BNC2: variants seen among roughly 807,000 people sequenced by gnomAD.
BNC2 encodes basonuclin zinc finger protein 2, also known as zinc finger protein basonuclin-2.
BNC2 carries 20 observed loss-of-function variants against 76.3 expected under a neutral mutation model. The ratio of observed to expected loss-of-function variants is 0.26; its 90% CI spans 0.18 to 0.38. BNC2 has a LOEUF of 0.38. Among genes scored for constraint, BNC2 ranks in the 10% least tolerant of loss-of-function variants. The pLI is 1.00. For synonymous variants in BNC2, 582 were observed against 514.8 expected (o/e 1.13, Z -1.77); for missense variants, 1,382 against 1,399.8 (o/e 0.99, Z 0.20).
chr9:16,811,604 G>T (rs1183552903), intron 1 of BNC2, among the ~76,000 whole-genome samples: 2 of 149,436 alleles, frequency 1.3e-5, no homozygotes, highest in African/African-American at 4.9e-5. Context: ...AAACCCATGT[G>T]AAGGCTAGAC....
intron 1 of BNC2, among the ~76,000 whole-genome samples, chr9:16,859,254 G>A (rs1819337616): frequency 6.6e-6 from 1 of 151,976 alleles, no homozygotes; most frequent in Admixed American, 6.6e-5. Flanking sequence ...CTGTTGGCAG[G>A]AATGTAAACG....
intron 3 of BNC2, among the ~76,000 whole-genome samples, chr9:16,621,964 T>C (rs1820879007): frequency 6.6e-6 from 1 of 152,200 alleles, no homozygotes; most frequent in South Asian, 2.1e-4. Flanking sequence ...GTGTGGCTAC[T>C]AGAAAATTTT....
chr9:16,835,043 C>T (rs1045825392), intron 1 of BNC2, among the ~76,000 whole-genome samples: 19 of 152,132 alleles, frequency 1.2e-4, no homozygotes, highest in African/African-American at 4.6e-4. Flanking sequence ...CTTATAGTGG[C>T]TTCATTCCTC....
Position 16,453,831 on chromosome 9 carries a change from C to G in BNC2, c.670-16307G>C, listed in dbSNP as rs112673068. ...CTTAAACAAAACAAAACAAACAAAA[C>G]CTCAACGGTCCCATTTGCTAAATGA... is the stretch of plus-strand genomic sequence containing the variant. On this transcript the variant is annotated intron_variant, in intron 5 of 6. Transcript: ENST00000380672. 2.5e-3 allele frequency among the ~76,000 whole-genome samples: 376 copies of G among 152,230 alleles called. 2 individuals carry two copies. The highest frequency in any genetic ancestry group is 8.4e-3 in the African/African-American group (351 of 41,556).
At chr9:16,534,640 C>CA (rs1418017308) in intron 5 of BNC2, among the ~76,000 whole-genome samples, 2 of 151,894 alleles carry the variant, frequency 1.3e-5, no homozygotes, top group South Asian at 2.1e-4. Flanking sequence ...TACTCTTTAA[C>CA]AAAAAAATGA....
At chr9:16,584,086 G>C (rs889973276) in intron 3 of BNC2, among the ~76,000 whole-genome samples, 6 of 152,108 alleles carry the variant, frequency 3.9e-5, no homozygotes, top group African/African-American at 1.2e-4. Flanking sequence ...AGACAGAAGG[G>C]ATTTAGTCTG....
At chr9:16,777,213 G>C (rs921259238) in intron 1 of BNC2, among the ~76,000 whole-genome samples, 1 of 151,756 alleles carries the variant, frequency 6.6e-6, no homozygotes, top group Non-Finnish European at 1.5e-5. Flanking sequence ...GGCAGACAAA[G>C]GCAAGAAGAG....
At chr9:16,710,688 C>G (rs560474991) in intron 3 of BNC2, among the ~76,000 whole-genome samples, 3 of 152,190 alleles carry the variant, frequency 2.0e-5, no homozygotes, top group African/African-American at 7.2e-5. Context: ...ATCCAAGCCA[C>G]CCCCACATAA....
intron 1 of BNC2, among the ~76,000 whole-genome samples, chr9:16,744,213 C>T (rs1337246149): frequency 6.6e-6 from 1 of 152,144 alleles, no homozygotes; most frequent in East Asian, 1.9e-4. Context: ...TTGTGATCCA[C>T]CTGCCTCAGC....
chr9:16,565,209 A>ACGCG (rs1819134340), intron 4 of BNC2, among the ~76,000 whole-genome samples: 1 of 152,106 alleles, frequency 6.6e-6, no homozygotes, highest in Non-Finnish European at 1.5e-5. Flanking sequence ...ATTTCCAATG[A>ACGCG]CGTCCCCAGC....
intron 3 of BNC2, among the ~76,000 whole-genome samples, chr9:16,623,436 T>C (rs549156231): frequency 6.6e-5 from 10 of 152,156 alleles, no homozygotes; most frequent in Non-Finnish European, 1.3e-4. Flanking sequence ...AAGACCAAAG[T>C]AAAAGGCACT....
At chr9:16,431,574 A>G in intron 6 of BNC2, 1 of 360,036 alleles carries the variant, frequency 2.8e-6, no homozygotes, top group Non-Finnish European at 6.1e-6. Context: ...CAGACAGATC[A>G]AGGGATAAAC....
intron 1 of BNC2, among the ~76,000 whole-genome samples, chr9:16,770,807 G>A (rs1344536825): frequency 6.6e-6 from 1 of 152,008 alleles, no homozygotes; most frequent in African/African-American, 2.4e-5. Flanking sequence ...GAAGGCTGCA[G>A]TGAGCCAAGA....
At chr9:16,620,197 G>GA (rs1233643191) in intron 3 of BNC2, among the ~76,000 whole-genome samples, 1 of 152,150 alleles carries the variant, frequency 6.6e-6, no homozygotes, top group East Asian at 1.9e-4. Context: ...CAAAGGGAGA[G>GA]AAAAAATCAT....
intron 3 of BNC2, among the ~76,000 whole-genome samples, chr9:16,655,589 A>G (rs1821907954): frequency 6.6e-6 from 1 of 152,236 alleles, no homozygotes; most frequent in Non-Finnish European, 1.5e-5. Flanking sequence ...AGCATTACTG[A>G]CAAATTAATT....
chr9:16,638,663 T>C (rs760392558), intron 3 of BNC2, among the ~76,000 whole-genome samples: 2 of 152,036 alleles, frequency 1.3e-5, no homozygotes, highest in East Asian at 1.9e-4. Flanking sequence ...CATAAAACTA[T>C]AGTCCTAGAG....
At chr9:16,429,167 A>G (rs1820858260) in intron 6 of BNC2, 1 of 152,202 alleles carries the variant, frequency 6.6e-6, no homozygotes, top group South Asian at 2.1e-4. Flanking sequence ...AAGAAAAAAA[A>G]TGCTTCATGG....
chr9:16,776,656 T>C (rs186260556), intron 1 of BNC2, among the ~76,000 whole-genome samples: 1 of 152,298 alleles, frequency 6.6e-6, no homozygotes, highest in Admixed American at 6.5e-5. Flanking sequence ...ACTCCACTAA[T>C]TCTGTTATGT....
intron 3 of BNC2, among the ~76,000 whole-genome samples, chr9:16,660,291 C>A (rs879784827): frequency 6.6e-6 from 1 of 152,068 alleles, no homozygotes; most frequent in Non-Finnish European, 1.5e-5. Flanking sequence ...TCTGTCTCTA[C>A]TAAAAATACA....
Sources: gnomAD v4.1 joint callset for allele counts (sites outside exome capture counted in the v4.1 genomes callset) on GRCh38, gnomAD v4.1.1 for gene constraint, MANE v1.5 for transcripts, NCBI Gene and HGNC (gene_info 2026-07-23, HGNC 2026-07-21) for gene names.